The following MN1 variants were observed in gnomAD, a reference collection of about 807,000 sequenced individuals.
MN1 encodes MN1 proto-oncogene, transcriptional regulator.
In MN1, 19 loss-of-function variants were observed where a neutral mutation model predicts 86.9. The ratio of observed to expected loss-of-function variants is 0.22; its 90% CI spans 0.15 to 0.32. The LOEUF (loss-of-function observed/expected upper bound fraction) is 0.32. Ranked by LOEUF, MN1 falls within the 10% of genes least tolerant of loss-of-function variation. The pLI, the probability that MN1 is intolerant of heterozygous loss-of-function variation, is 1.00. For synonymous variants in MN1, 928 were observed against 849.6 expected, an observed-to-expected ratio of 1.09 and a Z score of -1.60; for missense variants, 1,841 against 1,862.0, an observed-to-expected ratio of 0.99 and a Z score of 0.21.
chr22:27,799,666 G>C lies in MN1; in HGVS notation c.878C>G (p.Pro293Arg), dbSNP rs2146318075. 2 of 1,550,046 alleles carry C rather than the reference G, an allele frequency of 1.3e-6. No individual in the cohort carries two copies. The highest frequency in any genetic ancestry group is 2.4e-5 in the East Asian group (1 of 41,118). ...VGLSKMHAQP[P>R]QQQPQQQQQP... ...CTGCTGCTGCTGGGGCTGCTGCTGC[G>C]GTGGCTGGGCGTGCATTTTGGACAA... is the stretch of plus-strand genomic sequence containing the variant. The change falls in exon 1 of 2, where the codon CCG becomes CGG. Residue 293 changes from proline (P) to arginine (R), a missense_variant. Physicochemically the swap from Pro to Arg is moderately radical, Grantham distance 103 (BLOSUM62 -2). Coordinates refer to ENST00000302326, the MANE Select transcript of MN1 (RefSeq NM_002430.3).
chr22:27,800,892 G>T lies in MN1; in HGVS notation c.-349C>A. The T allele has an allele frequency of 4.7e-6, 2 of 426,558 alleles. No individual in the cohort carries two copies. The highest frequency in any genetic ancestry group is 2.6e-5 in the South Asian group (1 of 38,036). 26.4% of individuals were successfully genotyped at this position (426,558 alleles called of 1,614,324 possible). ...GATGAACGGAGACAAAAAGTTAAGT[G>T]GGGGGAATGGGGAGGGAAGGGGGTT... On this transcript the variant is annotated 5_prime_UTR_variant, in exon 1 of 2. Transcript: ENST00000302326.
chr22:27,771,451 TC>T (rs997989449), intron 1 of MN1, among the ~76,000 whole-genome samples: 2 of 151,954 alleles, frequency 1.3e-5, no homozygotes, highest in African/African-American at 2.4e-5. Flanking sequence ...GGTCTCAAAC[TC>T]CTGTCCTCAG....
Position 27,784,312 on chromosome 22 carries a change from G to A in MN1, c.3781+12451C>T, listed in dbSNP as rs186349931. Among the ~76,000 whole-genome samples the A allele has an allele frequency of 2.9e-3, 449 of 152,224 alleles. 2 individuals carry two copies. The highest frequency in any genetic ancestry group is 5.0e-3 in the Non-Finnish European group (338 of 68,032). Reference sequence around the variant, plus strand: ...ACCAGTTTCTCTGTTTGTTGAAACCGCCAAACACCCCCATATCCACCCAAA... The same window carrying A: ...ACCAGTTTCTCTGTTTGTTGAAACCACCAAACACCCCCATATCCACCCAAA... On this transcript the variant is annotated intron_variant, in intron 1 of 1. Transcript: ENST00000302326.
intron 1 of MN1, among the ~76,000 whole-genome samples, chr22:27,774,079 C>T (rs1351778655): frequency 6.6e-6 from 1 of 152,186 alleles, no homozygotes; most frequent in Admixed American, 6.5e-5. Flanking sequence ...AATGCTTCAC[C>T]TCCCGTGTGC....
chr22:27,769,552 A>ATTTTTTTTTTTTTTTTTTTTTTTTT (rs58248602), intron 1 of MN1, among the ~76,000 whole-genome samples: 1 of 83,268 alleles, frequency 1.2e-5, no homozygotes, highest in Non-Finnish European at 2.1e-5. Context: ...AAGGATGCCA[A>ATTTTTTTTTTTTTTTTTTTTTTTTT]TTTTTTTTTT....
chr22:27,788,390 TC>T (rs1292523135), intron 1 of MN1, among the ~76,000 whole-genome samples: 4 of 152,098 alleles, frequency 2.6e-5, no homozygotes, highest in African/African-American at 9.7e-5. Flanking sequence ...CCCACTAACT[TC>T]TCAGCAAATT....
At chr22:27,770,161 A>G (rs551421726) in intron 1 of MN1, among the ~76,000 whole-genome samples, 2 of 152,224 alleles carry the variant, frequency 1.3e-5, no homozygotes, top group African/African-American at 2.4e-5. Flanking sequence ...TCCCTCCCAA[A>G]TCCTTTCCGG....
chr22:27,754,928 T>C (rs1932792910), intron 1 of MN1, among the ~76,000 whole-genome samples: 1 of 152,182 alleles, frequency 6.6e-6, no homozygotes, highest in African/African-American at 2.4e-5. Flanking sequence ...CCCATCAGAC[T>C]GTGGCCATGT....
chr22:27,781,899 C>T (rs1321413938), intron 1 of MN1, among the ~76,000 whole-genome samples: 1 of 152,038 alleles, frequency 6.6e-6, no homozygotes, highest in East Asian at 1.9e-4. Flanking sequence ...CTGTTCAGCC[C>T]GAGCCTGCCA....
rs368897947 is a variant in MN1 at position 27,763,097 on chromosome 22, AAAAACAAAAC to A, written c.3782-12011_3782-12002del. Among the ~76,000 whole-genome samples the A allele has an allele frequency of 8.5e-4, 129 of 152,312 alleles. 4 individuals are homozygous for A. The East Asian group carries it at 0.016, about 19-fold the overall frequency. The stretch of plus-strand genomic sequence containing the variant: ...GTGACAGAGCAAGACCTTATCTCAA[AAAAACAAAAC>A]AAAACAAAACAAAACAAATATACAT... On this transcript the variant is annotated intron_variant, in intron 1 of 1. Coordinates refer to ENST00000302326, the MANE Select transcript of MN1 (RefSeq NM_002430.3).
At position 27,749,945 on chromosome 22, in the gene MN1, T is replaced by G. The variant is rs879061018; in HGVS notation, c.*970A>C. ...AGGGAAAGGGCTGAGAACAGCCTCC[T>G]CCAACTCCAGCACCCAAGGCACGGG... On this transcript the variant is annotated 3_prime_UTR_variant, in exon 2 of 2. Coordinates refer to ENST00000302326, the MANE Select transcript of MN1 (RefSeq NM_002430.3). 3.5e-5 allele frequency: 8 copies of G among 231,680 alleles called. No homozygotes were observed. In the South Asian group the frequency reaches 1.4e-3, roughly 42 times the overall value. 14.4% of individuals were successfully genotyped at this position (231,680 alleles called of 1,614,324 possible).
rs758005567 is a variant in MN1 at position 27,749,021 on chromosome 22, G to T, written c.*1894C>A. The stretch of plus-strand genomic sequence containing the variant: ...CTTTCCATTCCTTTTGTAGCAGAAC[G>T]CAGGAACTGCCTCGGCTCACACCTT... On this transcript the variant is annotated 3_prime_UTR_variant, in exon 2 of 2. Coordinates refer to ENST00000302326, the MANE Select transcript of MN1 (RefSeq NM_002430.3). 1 of 231,112 alleles carries T rather than the reference G, an allele frequency of 4.3e-6. No individual in the cohort carries two copies. 14.3% of individuals were successfully genotyped at this position (231,112 alleles called of 1,614,324 possible).
At chr22:27,752,226 C>G (rs1601320195) in intron 1 of MN1, among the ~76,000 whole-genome samples, 3 of 152,274 alleles carry the variant, frequency 2.0e-5, no homozygotes, top group Non-Finnish European at 4.4e-5. Context: ...TCATGCACCT[C>G]CTTATGATGG....
chr22:27,797,464 G>T lies in MN1; in HGVS notation c.3080C>A (p.Ser1027Tyr). 6.2e-7 allele frequency: 1 copy of T among 1,601,568 alleles called. No homozygotes were observed. Among genetic ancestry groups the T allele is most frequent in the Non-Finnish European group, 8.5e-7 (1 of 1,173,962 alleles). ...GTCCGACTTGGCCCCGCCGTCCAGG[G>T]ACCCAATGAGGTCCGGCTGATCCCC... ...LLGDQPDLIGSLDGGAKSDSS... is the reference protein window; with the variant it reads ...LLGDQPDLIGYLDGGAKSDSS... The change falls in exon 1 of 2, where the codon TCC (serine) becomes TAC (tyrosine). Residue 1027 changes from serine (S) to tyrosine (Y), a missense_variant. Ser to Tyr is a moderately radical substitution (Grantham distance 144). Transcript: ENST00000302326.
At chr22:27,770,171 G>A (rs1932902386) in intron 1 of MN1, among the ~76,000 whole-genome samples, 1 of 152,070 alleles carries the variant, frequency 6.6e-6, no homozygotes, top group African/African-American at 2.4e-5. Flanking sequence ...ATCCTTTCCG[G>A]CCAGCACAGC....
At position 27,796,969 on chromosome 22, in the gene MN1, G is replaced by T. The variant is rs1422408785; in HGVS notation, c.3575C>A (p.Ala1192Glu). The change falls in exon 1 of 2, where the codon GCG becomes GAG. Residue 1192 changes from alanine (A) to glutamate (E), a missense_variant. Transcript: ENST00000302326. ...GCCCAGCTCGCTGTCGCCATTCTGC[G>T]CCCCTGAGGCCCCGACGGCGCACTC... ...KGECAVGASG[A>E]QNGDSELGSC... 2 of 1,612,042 alleles carry T rather than the reference G, an allele frequency of 1.2e-6. No homozygotes were observed. Among genetic ancestry groups the T allele is most frequent in the South Asian group, 1.1e-5 (1 of 91,018 alleles).
Position 27,750,956 on chromosome 22 carries a change from T to C in MN1, c.3922A>G (p.Ile1308Val). 1 of 1,611,782 alleles carries C rather than the reference T, an allele frequency of 6.2e-7. No individual in the cohort carries two copies. Among genetic ancestry groups the C allele is most frequent in the Non-Finnish European group, 8.5e-7 (1 of 1,178,766 alleles). The stretch of plus-strand genomic sequence containing the variant: ...ACGAATGTCCCAAATCTGTTGGAGA[T>C]GTCAGAATGCAGGGACCGCCAGGTG... ...VPTWRSLHSDISNRFGTFVAA... is the reference protein window; with the variant it reads ...VPTWRSLHSDVSNRFGTFVAA... Residue 1308 changes from isoleucine (I) to valine (V), a missense_variant, in exon 2 of 2, where the codon ATC (isoleucine) becomes GTC (valine). By Grantham distance (29) the Ile-to-Val change is conservative. Transcript: ENST00000302326.
At chr22:27,796,240 A>G (rs1425339935) in intron 1 of MN1, among the ~76,000 whole-genome samples, 1 of 152,208 alleles carries the variant, frequency 6.6e-6, no homozygotes, top group African/African-American at 2.4e-5. Flanking sequence ...TGCCGACACC[A>G]GGGCTGGTAA....
chr22:27,798,945 T>TGCTGCTGTTGC lies in MN1; in HGVS notation c.1598_1599insGCAACAGCAGC (p.Gln537HisfsTer25). 6.5e-7 allele frequency: 1 copy of TGCTGCTGTTGC among 1,539,590 alleles called. No homozygotes were observed. The highest frequency in any genetic ancestry group is 8.8e-7 in the Non-Finnish European group (1 of 1,140,650). On this transcript the variant is annotated frameshift_variant, in exon 1 of 2. Transcript: ENST00000302326. LOFTEE classifies it high-confidence loss of function. ...GCTGTTGCTGCTGCTGCTGCTGCTG[T>TGCTGCTGTTGC]TGCTGCTGCTGCTGCTGCTGCTGCT...
Sources: gnomAD v4.1 joint callset for allele counts (sites outside exome capture counted in the v4.1 genomes callset) on GRCh38, gnomAD v4.1.1 for gene constraint, MANE v1.5 for transcripts, NCBI Gene and HGNC (gene_info 2026-07-23, HGNC 2026-07-21) for gene names.